Variants in TSHZ3 observed in about 807,000 individuals in gnomAD.
TSHZ3 encodes teashirt homolog 3.
Under a neutral mutation model 64.5 loss-of-function variants are expected in TSHZ3, and 10 were observed. The observed-to-expected ratio is 0.16, with a 90% confidence interval of 0.10 to 0.26. TSHZ3 has a LOEUF of 0.26. Among genes scored for constraint, TSHZ3 ranks in the 10% least tolerant of loss-of-function variants. The pLI is 1.00. For missense variants in TSHZ3, 1,242 were observed against 1,421.7 expected, an observed-to-expected ratio of 0.87 and a Z score of 2.03; for synonymous variants, 608 against 593.1, an observed-to-expected ratio of 1.03 and a Z score of -0.36.
rs201346395 is a variant in TSHZ3, at chr19:31,277,438, G to A, written c.2355C>T (p.Asn785=). 5.0e-6 allele frequency: 8 copies of A among 1,613,940 alleles called. No homozygotes were observed. In the South Asian group the frequency reaches 5.5e-5, roughly 11 times the overall value. Residue 785 remains asparagine, a synonymous_variant, in exon 2 of 2, where the codon AAC becomes AAT. Coordinates refer to ENST00000240587, the MANE Select transcript of TSHZ3 (RefSeq NM_020856.4). This position sits in a 1 kb window ranked among gnomAD's most constrained non-coding sequence, Gnocchi z 4.5. The part of the protein sequence containing the change: ...DHLDRYFYHV[N]NDQPIDLTKG... ...TTGTCAAGTCTATGGGCTGGTCGTT[G>A]TTGACGTGGTAGAAATAGCGGTCGA...
chr19:31,277,486 C>G lies in TSHZ3; in HGVS notation c.2307G>C (p.Leu769=). The G allele has an allele frequency of 6.2e-7, 1 of 1,610,738 alleles. No homozygotes were observed. Among genetic ancestry groups the G allele is most frequent in the Non-Finnish European group, 8.5e-7 (1 of 1,177,758 alleles). ...EKAAVATPPP[L]QSKKADHLDR... is the part of the protein sequence containing the mutation. The stretch of plus-strand genomic sequence containing the variant: ...CGAGGTGGTCTGCCTTCTTGGACTG[C>G]AGGGGCGGCGGGGTGGCCACAGCAG... Residue 769 remains leucine, a synonymous_variant, in exon 2 of 2, where the codon CTG becomes CTC. Coordinates refer to ENST00000240587, the MANE Select transcript of TSHZ3 (RefSeq NM_020856.4). The surrounding 1 kb of genome is among the most constrained non-coding windows in gnomAD (Gnocchi z 4.5).
intron 4 of TSHZ3, among the ~76,000 whole-genome samples, chr19:31,217,903 G>T (rs1232241986): frequency 6.6e-6 from 1 of 152,114 alleles, no homozygotes; most frequent in Non-Finnish European, 1.5e-5. Context: ...CAGTTGGAAT[G>T]ATACAGTATG....
At chr19:31,333,954 G>C (rs533750233) in intron 1 of TSHZ3, among the ~76,000 whole-genome samples, 3 of 152,282 alleles carry the variant, frequency 2.0e-5, no homozygotes, top group African/African-American at 7.2e-5. Context: ...GAGCGTGTAC[G>C]TGTGTTTCCA....
intron 1 of TSHZ3, among the ~76,000 whole-genome samples, chr19:31,267,961 A>C (rs1474167145): frequency 6.6e-6 from 1 of 152,042 alleles, no homozygotes; most frequent in African/African-American, 2.4e-5. Context: ...CCCCACCCAA[A>C]TCTCATCTTG....
chr19:31,311,518 C>T (rs184551253), intron 1 of TSHZ3, among the ~76,000 whole-genome samples: 74 of 152,264 alleles, frequency 4.9e-4, no homozygotes, highest in Admixed American at 1.4e-3. Flanking sequence ...CTTGGTCCTA[C>T]GGAGTCCTCC....
chr19:31,248,619 CA>C (rs35503682), intron 1 of TSHZ3, among the ~76,000 whole-genome samples: 212 of 142,414 alleles, frequency 1.5e-3, no homozygotes, highest in South Asian at 0.012. Flanking sequence ...TTATTTCTAC[CA>C]AAAAAAAAAA....
At chr19:31,158,420 C>T (rs544006420) in intron 5 of TSHZ3, among the ~76,000 whole-genome samples, 28 of 152,266 alleles carry the variant, frequency 1.8e-4, no homozygotes, top group African/African-American at 6.3e-4. Context: ...AATTTGTTAT[C>T]TCACCATTTT....
intron 1 of TSHZ3, among the ~76,000 whole-genome samples, chr19:31,259,983 T>C (rs1189180362): frequency 6.6e-6 from 1 of 152,130 alleles, no homozygotes; most frequent in African/African-American, 2.4e-5. Flanking sequence ...CGCTTCCAAC[T>C]TGACTTTTCA....
At chr19:31,160,764 AC>A (rs1016140795) in intron 5 of TSHZ3, among the ~76,000 whole-genome samples, 2 of 152,042 alleles carry the variant, frequency 1.3e-5, no homozygotes, top group Non-Finnish European at 2.9e-5. Context: ...AACTACACAC[AC>A]ATACACACAT....
chr19:31,162,010 C>T (rs1974379802), intron 5 of TSHZ3, among the ~76,000 whole-genome samples: 1 of 152,214 alleles, frequency 6.6e-6, no homozygotes, highest in Non-Finnish European at 1.5e-5. Context: ...GTCACTTTCA[C>T]ATATGTCTAG....
At position 31,173,586 on chromosome 19, in the gene TSHZ3, T is replaced by C. The variant is rs531014175; in HGVS notation, n.810-17169A>G. The stretch of plus-strand genomic sequence containing the variant: ...TACTTCTGTCTGTTTCTTGAAAAAA[T>C]ATGTTCCCATCCCAGGGCATTTGCA... On this transcript the variant is annotated intron_variant and non_coding_transcript_variant, in intron 5 of 6. Coordinates refer to the TSHZ3 transcript ENST00000651361. 7.9e-5 allele frequency among the ~76,000 whole-genome samples: 12 copies of C among 152,262 alleles called. 2 individuals carry two copies. In the South Asian group the frequency reaches 2.5e-3, roughly 32 times the overall value.
chr19:31,245,540 C>T (rs1451523956), intron 1 of TSHZ3, among the ~76,000 whole-genome samples: 1 of 152,160 alleles, frequency 6.6e-6, no homozygotes, highest in African/African-American at 2.4e-5. Context: ...GGTTCTTCTG[C>T]CTGGTAACAG....
intron 6 of TSHZ3, among the ~76,000 whole-genome samples, chr19:31,155,949 A>C (rs2145097763): frequency 6.6e-6 from 1 of 152,362 alleles, no homozygotes; most frequent in South Asian, 2.1e-4. Flanking sequence ...ATGCACAATA[A>C]GAATATACCC....
chr19:31,172,359 T>C (rs998557608), intron 5 of TSHZ3, among the ~76,000 whole-genome samples: 4 of 152,206 alleles, frequency 2.6e-5, no homozygotes, highest in African/African-American at 9.6e-5. Context: ...AAAAATTTGG[T>C]ATAATATTTG....
At chr19:31,160,887 T>C (rs181064557) in intron 5 of TSHZ3, among the ~76,000 whole-genome samples, 26 of 152,242 alleles carry the variant, frequency 1.7e-4, no homozygotes, top group African/African-American at 5.3e-4. Context: ...AATATATATA[T>C]ATGCTTTAAA....
At chr19:31,316,637 G>C (rs1373739875) in intron 1 of TSHZ3, among the ~76,000 whole-genome samples, 1 of 152,200 alleles carries the variant, frequency 6.6e-6, no homozygotes, top group African/African-American at 2.4e-5. Context: ...GAACAGAGAG[G>C]AAATAAGAAA....
rs113104548 is a variant in TSHZ3 at position 31,153,236 on chromosome 19, G to A, written n.872-1492C>T. On this transcript the variant is annotated intron_variant and non_coding_transcript_variant, in intron 6 of 6. Coordinates refer to the TSHZ3 transcript ENST00000651361. ...CAGTTTTCTACCATGATTACTGTTC[G>A]TCAAAAAGATGTTTAGGAAAAAATA... Among the ~76,000 whole-genome samples, 272 of 152,224 alleles carry A rather than the reference G, an allele frequency of 1.8e-3. 1 individual carries two copies. The highest frequency in any genetic ancestry group is 6.0e-3 in the African/African-American group (248 of 41,544).
intron 4 of TSHZ3, among the ~76,000 whole-genome samples, chr19:31,217,373 G>A (rs921504487): frequency 2.6e-5 from 4 of 152,114 alleles, no homozygotes; most frequent in African/African-American, 9.7e-5. Context: ...GTGGATGAAA[G>A]GCGAGAACTC....
At chr19:31,226,125 TAA>T (rs113116968) in intron 4 of TSHZ3, among the ~76,000 whole-genome samples, 17 of 134,476 alleles carry the variant, frequency 1.3e-4, no homozygotes, top group Admixed American at 1.5e-4. Flanking sequence ...GACTCCATCT[TAA>T]AAAAAAAAAA....
Sources: gnomAD v4.1 joint callset for allele counts (sites outside exome capture counted in the v4.1 genomes callset) on GRCh38, gnomAD v4.1.1 for gene constraint, Gnocchi (gnomAD v3.1) non-coding constraint, MANE v1.5 for transcripts, NCBI Gene and HGNC (gene_info 2026-07-23, HGNC 2026-07-21) for gene names.